NFASC: variants seen among roughly 807,000 people sequenced by gnomAD.
NFASC encodes the protein neurofascin, also known as neurofascin homolog.
NFASC carries 43 observed loss-of-function variants against 147.5 expected under a neutral mutation model. The observed-to-expected ratio is 0.29, with a 90% CI of 0.23 to 0.38. NFASC has a LOEUF of 0.38. Among genes scored for constraint, NFASC ranks in the 10% least tolerant of loss-of-function variants. The pLI is 1.00. For missense variants in NFASC, 1,320 were observed against 1,689.0 expected, an observed-to-expected ratio of 0.78 and a Z score of 3.83; for synonymous variants, 622 against 665.5, an observed-to-expected ratio of 0.93 and a Z score of 1.01.
chr1:204,960,156 G>A (rs2094600076), intron 8 of NFASC, among the ~76,000 whole-genome samples: 1 of 152,202 alleles, frequency 6.6e-6, no homozygotes, highest in Admixed American at 6.5e-5. Flanking sequence ...AAAGCAGTCA[G>A]GCAGGGGCAG....
In NFASC at chr1:204,978,972, G is replaced by T; in HGVS notation, c.1881G>T (p.Arg627=). ...CGTGGTGTCTTCTGCCACCAGGACG[G>T]CCAGACCGGCCCCGGGACCTGGAGC... ...TNRLAALPKG[R]PDRPRDLELT... The change falls in exon 18 of 30, where the codon CGG becomes CGT. Residue 627 remains arginine (R), a synonymous_variant. Coordinates refer to ENST00000339876, the MANE Select transcript of NFASC (RefSeq NM_001005388.3). The T allele has an allele frequency of 5.8e-6, 9 of 1,553,094 alleles. No individual in the cohort carries two copies. Among genetic ancestry groups the T allele is most frequent in the Non-Finnish European group, 7.8e-6 (9 of 1,147,810 alleles).
In NFASC at chr1:205,016,885, G is replaced by A. The variant is rs1043839015; in HGVS notation, c.*346G>A. 1 of 385,316 alleles carries A rather than the reference G, an allele frequency of 2.6e-6. No homozygotes were observed. Among genetic ancestry groups the A allele is most frequent in the Non-Finnish European group, 5.0e-6 (1 of 200,112 alleles). The allele number at this position is 385,316 out of a possible 1,614,324, so 23.9% of individuals were successfully genotyped here. A position where few individuals can be genotyped will look rare whatever the true frequency, so the allele number is the denominator to read the frequency against. On this transcript the variant is annotated 3_prime_UTR_variant, in exon 30 of 30. Transcript: ENST00000339876. This position sits in a 1 kb window ranked among gnomAD's most constrained non-coding sequence, Gnocchi z 5.1. ...ACGCTCACCTTTTCTGTTGGTTACG[G>A]GACTTCTCATTGTCTTAATTTCGCT...
intron 2 of NFASC, among the ~76,000 whole-genome samples, chr1:204,928,429 C>T (rs1348500996): frequency 1.3e-5 from 2 of 152,090 alleles, no homozygotes; most frequent in African/African-American, 4.8e-5. Context: ...TGGGTGTCAA[C>T]GACAAAGCTG....
intron 2 of NFASC, among the ~76,000 whole-genome samples, chr1:204,926,406 ATTTTTTTTTTTTTTTTTT>A (rs1202294421): frequency 7.1e-5 from 1 of 14,110 alleles, no homozygotes; most frequent in African/African-American, 2.1e-4. Context: ...ATATATATAT[ATTTTTTTTTTTTTTTTTT>A]TTTTTTTTTG....
chr1:204,862,823 G>A (rs1246458036), intron 1 of NFASC, among the ~76,000 whole-genome samples: 1 of 152,190 alleles, frequency 6.6e-6, no homozygotes, highest in Admixed American at 6.6e-5. Context: ...GAACCTTGGT[G>A]AGTTAAGTTT....
At chr1:204,842,704 C>G (rs967505869) in intron 1 of NFASC, among the ~76,000 whole-genome samples, 4 of 152,252 alleles carry the variant, frequency 2.6e-5, no homozygotes, top group Non-Finnish European at 4.4e-5. Context: ...CCAGCACAAC[C>G]TGTCCTTTTA....
intron 2 of NFASC, among the ~76,000 whole-genome samples, chr1:204,936,418 C>T (rs2802812): frequency 0.17 from 25,270 of 151,856 alleles, 2,940 homozygotes; most frequent in African/African-American, 0.33. Flanking sequence ...GCAAGGCTGG[C>T]CTCAAACTCC....
intron 3 of NFASC, among the ~76,000 whole-genome samples, chr1:204,949,776 C>G (rs1042408745): frequency 1.3e-5 from 2 of 152,128 alleles, no homozygotes; most frequent in African/African-American, 4.8e-5. Flanking sequence ...TTTGAGAAGC[C>G]CAGACCTCAG....
At chr1:204,895,548 T>C (rs1160536740) in intron 1 of NFASC, among the ~76,000 whole-genome samples, 1 of 152,248 alleles carries the variant, frequency 6.6e-6, no homozygotes, top group Admixed American at 6.5e-5. Flanking sequence ...CTGATGACCA[T>C]GTATGTGGCT....
chr1:204,864,471 C>T (rs1296467346), intron 1 of NFASC, among the ~76,000 whole-genome samples: 2 of 152,218 alleles, frequency 1.3e-5, no homozygotes, highest in Non-Finnish European at 2.9e-5. Flanking sequence ...CACTATTTTA[C>T]ATTCCCATCC....
intron 1 of NFASC, among the ~76,000 whole-genome samples, chr1:204,886,459 C>T (rs1468525845): frequency 1.3e-5 from 2 of 152,164 alleles, no homozygotes; most frequent in Non-Finnish European, 2.9e-5. Context: ...ACTCAGATCA[C>T]TATTAGCTAT....
At chr1:204,973,586 G>T (rs1402693016) in intron 12 of NFASC, among the ~76,000 whole-genome samples, 167 bp downstream of exon 12, 4 of 152,246 alleles carry the variant, frequency 2.6e-5, no homozygotes, top group Non-Finnish European at 5.9e-5. Context: ...AAAAATTTGT[G>T]AGAGGGATGG....
At chr1:204,926,938 G>A (rs936903714) in intron 2 of NFASC, among the ~76,000 whole-genome samples, 4 of 151,900 alleles carry the variant, frequency 2.6e-5, no homozygotes, top group African/African-American at 9.7e-5. Context: ...GCTGGTGCAC[G>A]GCAGCGGGTG....
intron 1 of NFASC, among the ~76,000 whole-genome samples, chr1:204,880,733 G>A (rs1333182442): frequency 6.6e-6 from 1 of 152,150 alleles, no homozygotes; most frequent in Non-Finnish European, 1.5e-5. Flanking sequence ...TTCCAGCTGT[G>A]GGATTTGGGG....
chr1:204,917,534 G>A (rs547259426), intron 1 of NFASC, among the ~76,000 whole-genome samples: 1 of 152,238 alleles, frequency 6.6e-6, no homozygotes, highest in East Asian at 1.9e-4. Context: ...GCATTTCCCT[G>A]ACATCCTTCA....
At chr1:204,949,963 GGCAATGTACCATGAATAGAA>G (rs1266543591) in intron 3 of NFASC, among the ~76,000 whole-genome samples, 1 of 152,226 alleles carries the variant, frequency 6.6e-6, no homozygotes, top group Non-Finnish European at 1.5e-5. Flanking sequence ...ATTTCTATAA[GGCAATGTACCATGAATAGAA>G]GCAATGTACC....
chr1:204,859,254 T>C (rs2076459188), intron 1 of NFASC, among the ~76,000 whole-genome samples: 1 of 152,190 alleles, frequency 6.6e-6, no homozygotes, highest in African/African-American at 2.4e-5. Context: ...CTTCTAACCA[T>C]GCTCTGCTCA....
At chr1:204,918,138 A>G (rs1383266375) in intron 1 of NFASC, among the ~76,000 whole-genome samples, 3 of 152,194 alleles carry the variant, frequency 2.0e-5, no homozygotes, top group African/African-American at 4.8e-5. Flanking sequence ...TTTATTCCCA[A>G]TGAACATATA....
At chr1:205,012,175 G>A (rs1044726365) in intron 28 of NFASC, among the ~76,000 whole-genome samples, 3 of 152,240 alleles carry the variant, frequency 2.0e-5, no homozygotes, top group Admixed American at 1.3e-4. Flanking sequence ...AGCTGACACC[G>A]AAAGAATGAG....
Sources: gnomAD v4.1 joint callset for allele counts (sites outside exome capture counted in the v4.1 genomes callset) on GRCh38, gnomAD v4.1.1 for gene constraint, Gnocchi (gnomAD v3.1) non-coding constraint, MANE v1.5 for transcripts, NCBI Gene and HGNC (gene_info 2026-07-23, HGNC 2026-07-21) for gene names.